RANBP2: variants seen among roughly 807,000 people sequenced by gnomAD.
RANBP2 encodes the protein E3 SUMO-protein ligase RanBP2.
Under a neutral mutation model 303.6 loss-of-function variants are expected in RANBP2, and 57 were observed. The ratio of observed to expected loss-of-function variants is 0.19; its 90% confidence interval spans 0.15 to 0.23. The LOEUF is 0.23. RANBP2 is among the 10% of genes least tolerant of loss of function. The probability of loss-of-function intolerance (pLI) is 1.00; values close to 1 mark genes in which losing one functional copy is unlikely to be tolerated. For missense variants in RANBP2, 3,138 were observed against 3,780.8 expected (o/e 0.83, Z 4.46); for synonymous variants, 1,167 against 1,301.5 (o/e 0.90, Z 2.23).
At chr2:109,480,474 C>A in the RANBP2 span, among the ~76,000 whole-genome samples, 6 of 152,074 alleles carry the variant, frequency 3.9e-5, no homozygotes, top group African/African-American at 1.4e-4. Flanking sequence ...AGATGCCAGC[C>A]CCTGTTAGTC....
chr2:108,757,163 C>T (rs1186746439), intron 17 of RANBP2, among the ~76,000 whole-genome samples: 3 of 152,178 alleles, frequency 2.0e-5, no homozygotes, highest in African/African-American at 4.8e-5. Context: ...CAAAATTTAC[C>T]TGTTTTCTGA....
At chr2:109,214,371 G>T in the RANBP2 span, among the ~76,000 whole-genome samples, 1 of 152,050 alleles carries the variant, frequency 6.6e-6, no homozygotes, top group South Asian at 2.1e-4. Context: ...AGGAGGCCGG[G>T]GCCACGTGTG....
At chr2:109,189,311 A>G in the RANBP2 span, among the ~76,000 whole-genome samples, 2 of 148,724 alleles carry the variant, frequency 1.3e-5, no homozygotes, top group South Asian at 2.2e-4. Flanking sequence ...TCCACCTGAC[A>G]CCCCCCACCA....
At chr2:109,613,479 G>C in the RANBP2 span, 10 of 249,978 alleles carry the variant, frequency 4.0e-5, no homozygotes, top group Non-Finnish European at 7.3e-5. Context: ...CTCCGTTATA[G>C]CCGTAAGAGA....
chr2:109,144,324 T>C, the RANBP2 span, among the ~76,000 whole-genome samples: 2 of 152,172 alleles, frequency 1.3e-5, no homozygotes, highest in Non-Finnish European at 2.9e-5. Flanking sequence ...TATACCTCAA[T>C]AAAACAGGGG....
Position 108,766,169 on chromosome 2 carries a change from C to T in RANBP2, c.5630C>T (p.Ser1877Phe). 1 of 1,612,502 alleles carries T rather than the reference C, an allele frequency of 6.2e-7. No individual in the cohort carries two copies. Among genetic ancestry groups the T allele is most frequent in the Non-Finnish European group, 8.5e-7 (1 of 1,179,982 alleles). ...ENSPSFMFQGSSNTEFKSTKE... is the reference protein window; with the variant it reads ...ENSPSFMFQGFSNTEFKSTKE... ...TCACCTTCATTTATGTTTCAGGGTT[C>T]TTCTAATACAGAATTTAAGTCAACC... The change falls in exon 20 of 29, where the codon TCT becomes TTT. Residue 1877 changes from serine to phenylalanine, a missense_variant. Ser to Phe is a radical substitution (Grantham distance 155, BLOSUM62 -2). Around this residue, in one of 20 missense-constraint regions of RANBP2, gnomAD observed 348 missense variants for 360.4 expected, o/e 0.97. Coordinates refer to ENST00000283195, the MANE Select transcript of RANBP2 (RefSeq NM_006267.5).
chr2:108,817,151 C>T, the RANBP2 span, among the ~76,000 whole-genome samples: 2 of 152,128 alleles, frequency 1.3e-5, no homozygotes, highest in Non-Finnish European at 2.9e-5. Flanking sequence ...GGAGGTTATC[C>T]AGGATTATGT....
the RANBP2 span, among the ~76,000 whole-genome samples, chr2:109,712,487 A>G: frequency 1.3e-5 from 2 of 152,192 alleles, no homozygotes; most frequent in Admixed American, 1.3e-4. Flanking sequence ...GCTGGAGTAC[A>G]ATAGCACGAT....
chr2:109,205,667 G>T, the RANBP2 span, among the ~76,000 whole-genome samples: 1 of 152,154 alleles, frequency 6.6e-6, no homozygotes, highest in Admixed American at 6.5e-5. Context: ...TGGTGTCAGG[G>T]TCTGCACCGT....
chr2:109,140,265 A>G, the RANBP2 span, among the ~76,000 whole-genome samples: 1 of 152,232 alleles, frequency 6.6e-6, no homozygotes. Context: ...TCCTGAGATC[A>G]GCTGCATCCA....
the RANBP2 span, among the ~76,000 whole-genome samples, chr2:108,994,332 C>T: frequency 0.44 from 66,758 of 152,128 alleles, 17,694 homozygotes; most frequent in South Asian, 0.64. Flanking sequence ...GCTCCCCAGC[C>T]AGGGTTTGAG....
At chr2:109,429,671 C>T in the RANBP2 span, among the ~76,000 whole-genome samples, 1 of 152,198 alleles carries the variant, frequency 6.6e-6, no homozygotes, top group Non-Finnish European at 1.5e-5. Context: ...CTGACAGCTC[C>T]AGCAGCCCAG....
At chr2:109,497,941 G>T in the RANBP2 span, among the ~76,000 whole-genome samples, 1 of 152,232 alleles carries the variant, frequency 6.6e-6, no homozygotes, top group Non-Finnish European at 1.5e-5. Flanking sequence ...AGGAGCAGGT[G>T]TTTGGAAGAG....
the RANBP2 span, among the ~76,000 whole-genome samples, chr2:109,750,642 A>T: frequency 2.6e-5 from 2 of 78,104 alleles, no homozygotes; most frequent in African/African-American, 4.6e-5. Context: ...AAGATCAAGG[A>T]CTTCGCATGG....
the RANBP2 span, among the ~76,000 whole-genome samples, chr2:109,141,867 A>T: frequency 6.6e-6 from 1 of 152,048 alleles, no homozygotes; most frequent in South Asian, 2.1e-4. Context: ...GACCCCCCAG[A>T]TGTGCCAGTC....
the RANBP2 span, among the ~76,000 whole-genome samples, chr2:109,413,990 C>A: frequency 4.6e-5 from 7 of 152,256 alleles, no homozygotes. Context: ...CTTCTAGGTC[C>A]TTGGCTTCCT....
the RANBP2 span, among the ~76,000 whole-genome samples, chr2:109,156,533 C>T: frequency 6.6e-6 from 1 of 151,822 alleles, no homozygotes; most frequent in African/African-American, 2.4e-5. Flanking sequence ...GCAGCCTTTA[C>T]CTCCTGAGTT....
chr2:109,183,113 T>A, the RANBP2 span, among the ~76,000 whole-genome samples: 3 of 152,350 alleles, frequency 2.0e-5, no homozygotes, highest in East Asian at 5.8e-4. Flanking sequence ...AAAGAAATCT[T>A]TAGAAGATTG....
At chr2:108,775,372 C>CT (rs199580809) in intron 23 of RANBP2, among the ~76,000 whole-genome samples, 13 of 152,230 alleles carry the variant, frequency 8.5e-5, no homozygotes, top group African/African-American at 2.9e-4. Context: ...AGTAGAGTCT[C>CT]TTTTTTTGCT....
Sources: gnomAD v4.1 joint callset for allele counts (sites outside exome capture counted in the v4.1 genomes callset) on GRCh38, gnomAD v4.1.1 for gene constraint, gnomAD v4.1.1 regional missense constraint, MANE v1.5 for transcripts, NCBI Gene and HGNC (gene_info 2026-07-23, HGNC 2026-07-21) for gene names.